The following ROR1 variants were observed in gnomAD, a reference collection of about 807,000 sequenced individuals.
The protein encoded by ROR1 is inactive tyrosine-protein kinase transmembrane receptor ROR1.
ROR1 carries 19 observed loss-of-function variants against 78.8 expected under a neutral mutation model. The ratio of observed to expected loss-of-function variants is 0.24; its 90% CI spans 0.17 to 0.35. The LOEUF (loss-of-function observed/expected upper bound fraction) is 0.35. Ranked by LOEUF, ROR1 falls within the 10% of genes least tolerant of loss-of-function variation. The pLI is 1.00. For synonymous variants in ROR1, 386 were observed against 433.6 expected, an observed-to-expected ratio of 0.89 and a Z score of 1.36; for missense variants, 917 against 1,177.8, an observed-to-expected ratio of 0.78 and a Z score of 3.24.
intron 1 of ROR1, among the ~76,000 whole-genome samples, chr1:63,875,107 A>G (rs181685266): frequency 1.3e-4 from 20 of 152,246 alleles, no homozygotes; most frequent in Admixed American, 6.5e-4. Flanking sequence ...CAGACTTACC[A>G]TTTATGAAAT....
intron 1 of ROR1, among the ~76,000 whole-genome samples, chr1:63,823,631 G>A (rs1193011317): frequency 4.0e-5 from 6 of 151,560 alleles, no homozygotes; most frequent in African/African-American, 1.5e-4. Flanking sequence ...TTTATTTTTT[G>A]TGGAGATAAG....
At chr1:63,843,523 G>C (rs757140080) in intron 1 of ROR1, 2 of 751,146 alleles carry the variant, frequency 2.7e-6, no homozygotes, top group Non-Finnish European at 4.8e-6. Context: ...TCGCCCACCA[G>C]GATCTTCTTG....
At chr1:63,953,838 G>A (rs1645960629) in intron 1 of ROR1, among the ~76,000 whole-genome samples, 1 of 152,190 alleles carries the variant, frequency 6.6e-6, no homozygotes, top group Admixed American at 6.5e-5. Flanking sequence ...AGGATAAGAT[G>A]ATAATGTGAA....
intron 3 of ROR1, 118 bp downstream of exon 3, chr1:64,050,096 C>CTGT: frequency 8.6e-7 from 1 of 1,167,812 alleles, no homozygotes; most frequent in South Asian, 1.5e-5. Flanking sequence ...ACTCTGTGCC[C>CTGT]ACAACCCTAA....
intron 1 of ROR1, among the ~76,000 whole-genome samples, chr1:63,859,367 A>C (rs1221519269): frequency 6.6e-6 from 1 of 152,196 alleles, no homozygotes; most frequent in African/African-American, 2.4e-5. Context: ...GATTTAATGA[A>C]AATATGTACC....
At chr1:63,787,268 T>C (rs1289532797) in intron 1 of ROR1, among the ~76,000 whole-genome samples, 1 of 152,202 alleles carries the variant, frequency 6.6e-6, no homozygotes, top group Non-Finnish European at 1.5e-5. Flanking sequence ...ACCAGTATTC[T>C]CACATAGGCC....
chr1:63,948,182 AAAAC>A (rs781273604), intron 1 of ROR1, among the ~76,000 whole-genome samples: 5 of 152,220 alleles, frequency 3.3e-5, no homozygotes, highest in Admixed American at 2.0e-4. Flanking sequence ...CTGAGATAAT[AAAAC>A]AAACAAACAA....
At chr1:63,985,271 G>A (rs761231407) in intron 1 of ROR1, among the ~76,000 whole-genome samples, 3 of 152,086 alleles carry the variant, frequency 2.0e-5, no homozygotes, top group African/African-American at 4.8e-5. Flanking sequence ...AACCTCTTGA[G>A]CTTTTCTAAG....
At chr1:64,025,654 C>CAT (rs869196857) in intron 2 of ROR1, among the ~76,000 whole-genome samples, 1 of 151,800 alleles carries the variant, frequency 6.6e-6, no homozygotes, top group Non-Finnish European at 1.5e-5. Flanking sequence ...CACATATACA[C>CAT]ATATATATAT....
intron 1 of ROR1, among the ~76,000 whole-genome samples, chr1:63,972,948 T>C (rs1490391758): frequency 6.6e-6 from 1 of 152,264 alleles, no homozygotes; most frequent in Non-Finnish European, 1.5e-5. Flanking sequence ...TGGTTACCAC[T>C]AACCTCCTTG....
chr1:63,968,345 T>A (rs577872868), intron 1 of ROR1, among the ~76,000 whole-genome samples: 40 of 152,312 alleles, frequency 2.6e-4, no homozygotes, highest in Admixed American at 8.5e-4. Context: ...AGATATTTTG[T>A]TCCACCTCAG....
At chr1:63,917,948 T>C (rs1645621764) in intron 1 of ROR1, among the ~76,000 whole-genome samples, 2 of 152,190 alleles carry the variant, frequency 1.3e-5, no homozygotes. Flanking sequence ...AATTTCTTAA[T>C]GCTGCTCTCC....
At chr1:64,043,141 A>G (rs2100584003) in intron 2 of ROR1, among the ~76,000 whole-genome samples, 1 of 152,336 alleles carries the variant, frequency 6.6e-6, no homozygotes, top group South Asian at 2.1e-4. Context: ...TCAAAATGGG[A>G]ATATAACACT....
chr1:64,139,678 C>T (rs1649237964), intron 5 of ROR1, among the ~76,000 whole-genome samples: 2 of 152,162 alleles, frequency 1.3e-5, no homozygotes, highest in South Asian at 4.1e-4. Flanking sequence ...TCTTGCCGTC[C>T]AGCAAGACAC....
intron 1 of ROR1, among the ~76,000 whole-genome samples, chr1:63,856,497 C>T (rs1645149897): frequency 6.6e-6 from 1 of 152,186 alleles, no homozygotes; most frequent in Non-Finnish European, 1.5e-5. Context: ...GAGGGGGATT[C>T]TCTGTGGCTC....
chr1:64,106,418 G>A (rs1412439614), intron 4 of ROR1: 1 of 152,110 alleles, frequency 6.6e-6, no homozygotes, highest in Admixed American at 6.6e-5. Context: ...GAGACAATTT[G>A]ACTCTCTCTC....
intron 1 of ROR1, among the ~76,000 whole-genome samples, chr1:63,860,032 T>C (rs1317349916): frequency 6.6e-6 from 1 of 152,186 alleles, no homozygotes; most frequent in Non-Finnish European, 1.5e-5. Context: ...AGCTTTTCAC[T>C]GAACCCAGGC....
intron 4 of ROR1, among the ~76,000 whole-genome samples, chr1:64,108,632 G>A (rs1647939287): frequency 6.6e-6 from 1 of 151,958 alleles, no homozygotes; most frequent in African/African-American, 2.4e-5. Flanking sequence ...GGTTGAGTGA[G>A]CCTCCACTCC....
chr1:63,979,410 C>A (rs1646189948), intron 1 of ROR1, among the ~76,000 whole-genome samples: 2 of 152,024 alleles, frequency 1.3e-5, no homozygotes, highest in Non-Finnish European at 2.9e-5. Context: ...AGGAACTAGG[C>A]TTGAAGGGTA....
Sources: allele counts gnomAD v4.1 joint callset (sites outside exome capture counted in the v4.1 genomes callset), GRCh38; gene constraint gnomAD v4.1.1; transcripts MANE v1.5; gene names NCBI Gene and HGNC (gene_info 2026-07-23, HGNC 2026-07-21).